PCDHA6: variants seen among roughly 807,000 people sequenced by gnomAD.
PCDHA6 encodes protocadherin alpha-6.
Under a neutral mutation model 60.3 loss-of-function variants are expected in PCDHA6, and 55 were observed. That is an observed-to-expected ratio of 0.91 (90% confidence interval 0.73 to 1.14). The LOEUF is 1.14. PCDHA6 is among the 50% of genes most tolerant of loss of function. PCDHA6 has a pLI of 0.00. For missense variants in PCDHA6, 1,327 were observed against 1,256.5 expected, an observed-to-expected ratio of 1.06 and a Z score of -0.85; for synonymous variants, 652 against 557.9, an observed-to-expected ratio of 1.17 and a Z score of -2.38.
rs1554132046 is a variant in PCDHA6 at position 140,829,528 on chromosome 5, G to T, written c.1437G>T (p.Ala479=). 7.4e-6 allele frequency: 12 copies of T among 1,613,294 alleles called. No homozygotes were observed. The highest frequency in any genetic ancestry group is 1.0e-5 in the Non-Finnish European group (12 of 1,179,896). Reference sequence around the variant, plus strand: ...GCTGCCACATCTTCACGGTGTCTGCGCGAGACGCGGACGCGCAGGAGAACG... The same window carrying T: ...GCTGCCACATCTTCACGGTGTCTGCTCGAGACGCGGACGCGCAGGAGAACG... ...PPGCHIFTVS[A]RDADAQENAL... Residue 479 remains alanine (A), a synonymous_variant, in exon 1 of 4, where the codon GCG becomes GCT. Coordinates refer to ENST00000529310, the MANE Select transcript of PCDHA6 (RefSeq NM_018909.4).
intron 1 of PCDHA6, chr5:140,853,806 A>T: frequency 4.1e-6 from 4 of 986,824 alleles, no homozygotes; most frequent in Non-Finnish European, 4.9e-6. Context: ...TTTAAAGCAC[A>T]CCTGAGATGA....
intron 1 of PCDHA6, chr5:140,857,582 G>T: frequency 6.3e-7 from 1 of 1,596,726 alleles, no homozygotes; most frequent in Non-Finnish European, 8.6e-7. Flanking sequence ...GGTGCACGCG[G>T]AGAGCGGCAA....
intron 1 of PCDHA6, chr5:140,851,739 C>T: frequency 1.0e-6 from 1 of 971,880 alleles, no homozygotes; most frequent in Non-Finnish European, 1.2e-6. Context: ...TTTTGAAATT[C>T]AGAGTCTGTA....
intron 1 of PCDHA6, chr5:140,876,781 G>A: frequency 6.2e-7 from 1 of 1,614,240 alleles, no homozygotes; most frequent in Non-Finnish European, 8.5e-7. Flanking sequence ...TTCGCTGTGG[G>A]CCACGGCTAG....
At position 140,947,043 on chromosome 5, in the gene PCDHA6, G is replaced by T. The variant is rs188994500; in HGVS notation, c.2395-31906G>T. Among the ~76,000 whole-genome samples the T allele has an allele frequency of 1.7e-3, 259 of 151,702 alleles. 2 individuals carry two copies. Among genetic ancestry groups the T allele is most frequent in the African/African-American group, 5.9e-3 (243 of 41,466 alleles). On this transcript the variant is annotated intron_variant, in intron 1 of 3. Transcript: ENST00000529310. ...AGGTAATGGATATACTAATTACCCT[G>T]ATTTGATCATTACACAGTGTATATA... is the stretch of plus-strand genomic sequence containing the variant.
intron 3 of PCDHA6, among the ~76,000 whole-genome samples, chr5:140,992,035 G>C (rs529236840): frequency 6.6e-6 from 1 of 151,988 alleles, no homozygotes; most frequent in South Asian, 2.1e-4. Flanking sequence ...GTGTGTGTGT[G>C]TGTGTGTGTG....
chr5:140,877,144 G>C, intron 1 of PCDHA6: 2 of 1,613,772 alleles, frequency 1.2e-6, no homozygotes, highest in South Asian at 1.1e-5. Context: ...CGTGCTGGAC[G>C]AGAACGACAA....
Position 140,849,728 on chromosome 5 carries a change from A to C in PCDHA6, c.2394+19243A>C, listed in dbSNP as rs144507871. ...ATTACTACTCGTTGGTGCTGGACAG[A>C]GCTCTGGACCGCGAGAGTGTGTCCG... On this transcript the variant is annotated intron_variant, in intron 1 of 3. Transcript: ENST00000529310. 513 of 1,598,410 alleles carry C rather than the reference A, an allele frequency of 3.2e-4. 33 individuals carry two copies. In the African/African-American group the frequency reaches 4.5e-3, roughly 14 times the overall value.
chr5:140,829,908 G>A lies in PCDHA6; in HGVS notation c.1817G>A (p.Trp606Ter). 1 of 1,614,014 alleles carries A rather than the reference G, an allele frequency of 6.2e-7. No individual in the cohort carries two copies. Among genetic ancestry groups the A allele is most frequent in the Non-Finnish European group, 8.5e-7 (1 of 1,179,912 alleles). The change falls in exon 1 of 4, where the codon TGG becomes TAG. Residue 606 changes from tryptophan to a stop codon, truncating the protein, a stop_gained. Transcript: ENST00000529310. LOFTEE classifies it high-confidence loss of function. Reference protein sequence around the residue: ...AVDADSGYNAWLSYELQPPAS... With the variant: ...AVDADSGYNA ...GACGCCGACTCAGGCTACAACGCGT[G>A]GCTTTCGTATGAGCTGCAGCCCCCG... is the stretch of plus-strand genomic sequence containing the variant.
chr5:140,851,920 T>C (rs2042197222), intron 1 of PCDHA6: 1 of 967,994 alleles, frequency 1.0e-6, no homozygotes, highest in African/African-American at 1.8e-5. Context: ...CTACATGTTA[T>C]GTTTCCTGAA....
intron 1 of PCDHA6, among the ~76,000 whole-genome samples, chr5:140,926,128 C>CGCAGCAGGATCCAGCGCGGAAAGCTCT (rs1157627097): frequency 6.6e-6 from 1 of 152,162 alleles, no homozygotes; most frequent in Non-Finnish European, 1.5e-5. Context: ...GACTTCAACC[C>CGCAGCAGGATCCAGCGCGGAAAGCTCT]GCAGCAGGAT....
intron 1 of PCDHA6, among the ~76,000 whole-genome samples, chr5:140,890,874 C>T (rs1337922727): frequency 6.6e-6 from 1 of 152,082 alleles, no homozygotes; most frequent in Admixed American, 6.6e-5. Flanking sequence ...CCCCTCTGAC[C>T]TTTCATCAGG....
intron 1 of PCDHA6, among the ~76,000 whole-genome samples, chr5:140,889,687 T>C (rs1190333599): frequency 1.3e-5 from 2 of 152,198 alleles, no homozygotes; most frequent in African/African-American, 4.8e-5. Context: ...AACCTTTTAG[T>C]ATTATGGGCA....
chr5:140,848,909 G>A lies in PCDHA6; in HGVS notation c.2394+18424G>A, dbSNP rs2150424301. On this transcript the variant is annotated intron_variant, in intron 1 of 3. Coordinates refer to ENST00000529310, the MANE Select transcript of PCDHA6 (RefSeq NM_018909.4). ...CTCCAGTGTTCCCAGCGACACAAAA[G>A]AATCTGTTCATCGCGGAATCCAGGC... 5 of 1,608,122 alleles carry A rather than the reference G, an allele frequency of 3.1e-6. No homozygotes were observed. In the African/African-American group the frequency reaches 4.1e-5, roughly 13 times the overall value.
intron 3 of PCDHA6, among the ~76,000 whole-genome samples, chr5:140,998,830 C>G (rs1385890461): frequency 6.6e-6 from 1 of 152,200 alleles, no homozygotes; most frequent in African/African-American, 2.4e-5. Flanking sequence ...TCCCAAAGTG[C>G]TGGATTACTG....
intron 1 of PCDHA6, among the ~76,000 whole-genome samples, chr5:140,846,137 A>G (rs1253647422): frequency 1.3e-5 from 2 of 149,716 alleles, no homozygotes; most frequent in Non-Finnish European, 3.0e-5. Flanking sequence ...TATGTTTCCC[A>G]TATTTAAAAG....
At chr5:140,960,440 T>C (rs1304890095) in intron 1 of PCDHA6, among the ~76,000 whole-genome samples, 1 of 152,164 alleles carries the variant, frequency 6.6e-6, no homozygotes, top group Admixed American at 6.5e-5. Flanking sequence ...ACTCTAGATA[T>C]ATGTATGGAT....
chr5:140,938,793 A>G lies in PCDHA6; in HGVS notation c.2395-40156A>G, dbSNP rs543840345. 2.6e-5 allele frequency among the ~76,000 whole-genome samples: 4 copies of G among 152,268 alleles called. No individual in the cohort carries two copies. The East Asian group carries it at 7.7e-4, about 29-fold the overall frequency. On this transcript the variant is annotated intron_variant, in intron 1 of 3. Coordinates refer to ENST00000529310, the MANE Select transcript of PCDHA6 (RefSeq NM_018909.4). ...AGACTTAGTACCTGAATGATGAAAT[A>G]ATCGGTACCACAAACCCCTGTGACA...
chr5:140,933,423 A>G (rs2089141997), intron 1 of PCDHA6, among the ~76,000 whole-genome samples: 1 of 152,144 alleles, frequency 6.6e-6, no homozygotes, highest in Non-Finnish European at 1.5e-5. Flanking sequence ...TTCTGTGTTC[A>G]TAGGGGCACT....
Sources: allele counts gnomAD v4.1 joint callset (sites outside exome capture counted in the v4.1 genomes callset), GRCh38; gene constraint gnomAD v4.1.1; transcripts MANE v1.5; gene names NCBI Gene and HGNC (gene_info 2026-07-23, HGNC 2026-07-21).